PRKCQ: variants seen among roughly 807,000 people sequenced by gnomAD.
PRKCQ encodes protein kinase C theta.
A neutral mutation model predicts 91.2 loss-of-function variants in PRKCQ; 41 were observed. That is an observed-to-expected ratio of 0.45 (90% CI 0.35 to 0.58). The LOEUF (loss-of-function observed/expected upper bound fraction) is 0.58, where lower values mean the gene tolerates loss of function less well. PRKCQ is among the 20% of genes least tolerant of loss of function. The pLI, the probability that PRKCQ is intolerant of heterozygous loss-of-function variation, is 0.00. For missense variants in PRKCQ, 673 were observed against 896.5 expected, an observed-to-expected ratio of 0.75 and a Z score of 3.18; for synonymous variants, 307 against 316.9, an observed-to-expected ratio of 0.97 and a Z score of 0.33.
chr10:6,468,153 G>A (rs1384951713), intron 12 of PRKCQ, among the ~76,000 whole-genome samples: 1 of 152,166 alleles, frequency 6.6e-6, no homozygotes, highest in East Asian at 1.9e-4. Flanking sequence ...GCAGATAAAG[G>A]TCCTAGAGCT....
At chr10:6,515,919 T>G (rs1266698178) in intron 1 of PRKCQ, among the ~76,000 whole-genome samples, 1 of 152,234 alleles carries the variant, frequency 6.6e-6, no homozygotes, top group Non-Finnish European at 1.5e-5. Context: ...GTTCCATTAT[T>G]GAGTGTTCTG....
rs368703437 is a variant in PRKCQ, at chr10:6,548,649, T to C, written c.-10+31562A>G. Among the ~76,000 whole-genome samples, 78 of 144,542 alleles carry C rather than the reference T, an allele frequency of 5.4e-4. 2 individuals are homozygous for C. In the South Asian group the frequency reaches 0.017, roughly 31 times the overall value. 94.8% of individuals were successfully genotyped at this position (144,542 alleles called of 152,430 possible). A position where few individuals can be genotyped will look rare whatever the true frequency, so the allele number is the denominator to read the frequency against. On this transcript the variant is annotated intron_variant, in intron 1 of 17. Transcript: ENST00000263125. ...ATGGCAAGAACAAAAAACCAAACAC[T>C]GCATGTTCTCACTCATAGGTGGGAA...
chr10:6,578,144 C>T (rs1841314198), intron 1 of PRKCQ, among the ~76,000 whole-genome samples: 1 of 152,164 alleles, frequency 6.6e-6, no homozygotes, highest in East Asian at 1.9e-4. Context: ...TTTGAGATTA[C>T]AGAAGGAGCT....
chr10:6,522,483 C>T (rs541227553), intron 1 of PRKCQ, among the ~76,000 whole-genome samples: 83 of 152,240 alleles, frequency 5.5e-4, no homozygotes, highest in African/African-American at 1.9e-3. Flanking sequence ...TTCAAACTCC[C>T]AGAATGCGTT....
intron 4 of PRKCQ, among the ~76,000 whole-genome samples, chr10:6,501,281 T>TG (rs1347296524): frequency 6.7e-6 from 1 of 150,210 alleles, no homozygotes; most frequent in Non-Finnish European, 1.5e-5. Context: ...GGTAAAAAGG[T>TG]GAAAAAAAAG....
At chr10:6,534,045 C>G (rs1355004112) in intron 1 of PRKCQ, among the ~76,000 whole-genome samples, 1 of 152,050 alleles carries the variant, frequency 6.6e-6, no homozygotes, top group African/African-American at 2.4e-5. Context: ...TATTAATACA[C>G]GTAAAGCTGG....
At chr10:6,474,423 G>A (rs1765289228) in intron 12 of PRKCQ, among the ~76,000 whole-genome samples, 1 of 152,184 alleles carries the variant, frequency 6.6e-6, no homozygotes, top group South Asian at 2.1e-4. Context: ...AGAATTCAAA[G>A]GAGACACAGA....
chr10:6,479,307 TC>T, intron 11 of PRKCQ, 142 bp from the exon 12 acceptor site: 1 of 867,614 alleles, frequency 1.2e-6, no homozygotes, highest in Non-Finnish European at 1.8e-6. Context: ...CATAGGCCAT[TC>T]CTGAGACAAA....
intron 1 of PRKCQ, among the ~76,000 whole-genome samples, chr10:6,520,755 C>T (rs1838971526): frequency 1.3e-5 from 2 of 152,172 alleles, no homozygotes; most frequent in Admixed American, 6.5e-5. Context: ...TATTGATTTG[C>T]GTCACACCTG....
chr10:6,450,390 T>C (rs1186222126), intron 15 of PRKCQ, among the ~76,000 whole-genome samples: 3 of 151,962 alleles, frequency 2.0e-5, no homozygotes, highest in African/African-American at 7.3e-5. Flanking sequence ...CTATCCTAAA[T>C]ATATATGCAT....
intron 1 of PRKCQ, among the ~76,000 whole-genome samples, chr10:6,538,666 C>CAGCT (rs1839670177): frequency 6.6e-6 from 1 of 152,206 alleles, no homozygotes; most frequent in Admixed American, 6.5e-5. Context: ...GTCCTAGTGC[C>CAGCT]AGCTGGTCAT....
the PRKCQ span, among the ~76,000 whole-genome samples, chr10:6,400,597 T>G: frequency 1.3e-5 from 2 of 150,416 alleles, no homozygotes; most frequent in African/African-American, 4.9e-5. Flanking sequence ...TTTAACCTGT[T>G]TCCTGGAGTA....
chr10:6,544,424 C>T (rs17137869), intron 1 of PRKCQ, among the ~76,000 whole-genome samples: 2,222 of 152,226 alleles, frequency 0.015, 53 homozygotes, highest in African/African-American at 0.052. Flanking sequence ...ATATTGTTAA[C>T]GGCAAGGAGA....
chr10:6,446,670 C>T (rs1834323548), intron 15 of PRKCQ, among the ~76,000 whole-genome samples: 2 of 152,024 alleles, frequency 1.3e-5, no homozygotes, highest in African/African-American at 2.4e-5. Flanking sequence ...CCGGCCCATG[C>T]CCAATTTTTA....
intron 2 of PRKCQ, among the ~76,000 whole-genome samples, chr10:6,514,353 G>A (rs112239607): frequency 1.9e-4 from 29 of 151,218 alleles, no homozygotes; most frequent in Non-Finnish European, 3.8e-4. Context: ...GCCGGCCGAC[G>A]TGACCACAGA....
At position 6,469,784 on chromosome 10, in the gene PRKCQ, T is replaced by G. The variant is rs184866927; in HGVS notation, c.1354-5380A>C. ...TCTAAAATTCTTGATCCATGGAGTC[T>G]GTCATTATAAGGAAAACAAAAGAAC... On this transcript the variant is annotated intron_variant, in intron 12 of 17. Transcript: ENST00000263125. Among the ~76,000 whole-genome samples, 6 of 152,294 alleles carry G rather than the reference T, an allele frequency of 3.9e-5. No homozygotes were observed. The East Asian group carries it at 1.2e-3, about 29-fold the overall frequency.
intron 4 of PRKCQ, among the ~76,000 whole-genome samples, 188 bp from the exon 5 acceptor site, chr10:6,498,746 C>T (rs768476391): frequency 6.6e-6 from 1 of 152,168 alleles, no homozygotes; most frequent in Non-Finnish European, 1.5e-5. Flanking sequence ...TTCTACAACA[C>T]AGATTCATCA....
the PRKCQ span, among the ~76,000 whole-genome samples, chr10:6,403,006 T>A: frequency 6.6e-6 from 1 of 152,248 alleles, no homozygotes; most frequent in African/African-American, 2.4e-5. Context: ...TGGCTGCTGC[T>A]TTTCCTCCCT....
chr10:6,444,707 TACACAC>T (rs56151404), intron 15 of PRKCQ, among the ~76,000 whole-genome samples: 3 of 150,830 alleles, frequency 2.0e-5, no homozygotes, highest in Admixed American at 6.6e-5. Context: ...CACACATAAA[TACACAC>T]ACACACACAC....
Sources: gnomAD v4.1 joint callset for allele counts (sites outside exome capture counted in the v4.1 genomes callset) on GRCh38, gnomAD v4.1.1 for gene constraint, MANE v1.5 for transcripts, NCBI Gene and HGNC (gene_info 2026-07-23, HGNC 2026-07-21) for gene names.